The following SLC6A18 variants were observed in gnomAD, a reference collection of about 807,000 sequenced individuals.
SLC6A18 encodes the protein inactive sodium-dependent neutral amino acid transporter B(0)AT3.
In SLC6A18, 58 loss-of-function variants were observed where a neutral mutation model predicts 62.9. That is an observed-to-expected ratio of 0.92 (90% confidence interval 0.75 to 1.15). SLC6A18 has a LOEUF of 1.15. Ranked by LOEUF, SLC6A18 falls within the 50% of genes most tolerant of loss-of-function variation. The pLI is 0.00. For synonymous variants in SLC6A18, 382 were observed against 365.8 expected, an observed-to-expected ratio of 1.04 and a Z score of -0.51; for missense variants, 793 against 836.6, an observed-to-expected ratio of 0.95 and a Z score of 0.64.
At position 1,243,863 on chromosome 5, in the gene SLC6A18, C is replaced by T. The variant is rs1028241112; in HGVS notation, c.1336+104C>T. 7.0e-5 allele frequency: 79 copies of T among 1,126,910 alleles called. No homozygotes were observed. Among genetic ancestry groups the T allele is most frequent in the Non-Finnish European group, 9.2e-5 (75 of 812,168 alleles). 69.8% of individuals were successfully genotyped at this position (1,126,910 alleles called of 1,614,324 possible). ...CCTCCTGGATGGAGAGCGCAAGGGG[C>T]CAAGCCTGAGTTCAGGGAAAGGCTG... is the stretch of plus-strand genomic sequence containing the variant. On this transcript the variant is annotated intron_variant, in intron 9 of 11. Coordinates refer to ENST00000324642, the MANE Select transcript of SLC6A18 (RefSeq NM_182632.3). The surrounding 1 kb of genome is among the most constrained non-coding windows in gnomAD (Gnocchi z 6.5).
chr5:1,225,656 C>A lies in SLC6A18; in HGVS notation c.160+19C>A. The A allele has an allele frequency of 6.5e-7, 1 of 1,545,018 alleles. No individual in the cohort carries two copies. The highest frequency in any genetic ancestry group is 8.7e-7 in the Non-Finnish European group (1 of 1,144,580). On this transcript the variant is annotated intron_variant, in intron 1 of 11. Coordinates refer to ENST00000324642, the MANE Select transcript of SLC6A18 (RefSeq NM_182632.3). ...GGAGGAGGTAAGCACCCACCTGCGT[C>A]CTGGGGCAGACCCCTAAGCAGGGGA...
chr5:1,242,205 T>C (rs1393560495), intron 7 of SLC6A18, among the ~76,000 whole-genome samples: 1 of 152,126 alleles, frequency 6.6e-6, no homozygotes, highest in African/African-American at 2.4e-5. Flanking sequence ...CCCCACCCCC[T>C]TTGCACCCAT....
At chr5:1,232,066 A>G (rs891099255) in intron 1 of SLC6A18, among the ~76,000 whole-genome samples, 153 bp from the exon 2 acceptor site, 5 of 152,318 alleles carry the variant, frequency 3.3e-5, no homozygotes, top group Non-Finnish European at 5.9e-5. Flanking sequence ...GCAACCCAAC[A>G]GTGCCCCAAG....
At chr5:1,242,419 G>A (rs1345264655) in intron 7 of SLC6A18, among the ~76,000 whole-genome samples, 2 of 89,118 alleles carry the variant, frequency 2.2e-5, no homozygotes, top group African/African-American at 4.6e-5. Flanking sequence ...GGGGCAGGAG[G>A]CGTCCACACG....
At chr5:1,233,853 T>G (rs1223062119) in intron 3 of SLC6A18, among the ~76,000 whole-genome samples, 1 of 151,902 alleles carries the variant, frequency 6.6e-6, no homozygotes, top group Non-Finnish European at 1.5e-5. Flanking sequence ...GCCATTCTCC[T>G]GCCTCAGCCT....
In SLC6A18 at chr5:1,241,585, G is replaced by A. The variant is rs139491957; in HGVS notation, c.974+926G>A. Among the ~76,000 whole-genome samples the A allele has an allele frequency of 2.6e-5, 4 of 152,116 alleles. No individual in the cohort carries two copies. The highest frequency in any genetic ancestry group is 5.9e-5 in the Non-Finnish European group (4 of 68,028). Reference sequence around the variant, plus strand: ...TCAACGGGGACGTCACCAAGAAAACGCACACAAAAGTGGAAAACATGGCAC... The same window carrying A: ...TCAACGGGGACGTCACCAAGAAAACACACACAAAAGTGGAAAACATGGCAC... On this transcript the variant is annotated intron_variant, in intron 7 of 11. Transcript: ENST00000324642. This position sits in a 1 kb window ranked among gnomAD's most constrained non-coding sequence, Gnocchi z 7.8.
At chr5:1,240,738 T>A (rs970569099) in intron 7 of SLC6A18, 79 bp downstream of exon 7, 1 of 1,575,626 alleles carries the variant, frequency 6.3e-7, no homozygotes, top group African/African-American at 1.4e-5. Flanking sequence ...TCCCAAGGCA[T>A]GAGGAAGGGT....
At position 1,232,734 on chromosome 5, in the gene SLC6A18, A is replaced by G. The variant is rs1174483509; in HGVS notation, c.302-17A>G. 2 of 1,597,406 alleles carry G rather than the reference A, an allele frequency of 1.3e-6. No homozygotes were observed. The highest frequency in any genetic ancestry group is 1.1e-5 in the South Asian group (1 of 89,374). On this transcript the variant is annotated splice_polypyrimidine_tract_variant and intron_variant, in intron 2 of 11. Coordinates refer to ENST00000324642, the MANE Select transcript of SLC6A18 (RefSeq NM_182632.3). ...GGAAGGAGCCCCGGGGCCACCTGACATGGTCCCTGTCCACAGGGCTGGGCT... is the reference window on the plus strand; with the variant it reads ...GGAAGGAGCCCCGGGGCCACCTGACGTGGTCCCTGTCCACAGGGCTGGGCT...
At chr5:1,228,099 C>T (rs906574180) in intron 1 of SLC6A18, among the ~76,000 whole-genome samples, 1 of 149,376 alleles carries the variant, frequency 6.7e-6, no homozygotes, top group Non-Finnish European at 1.5e-5. Flanking sequence ...TTAGTCTCGA[C>T]GCCTAGTAGT....
At chr5:1,232,067 G>A in intron 1 of SLC6A18, 152 bp from the exon 2 acceptor site, 1 of 671,726 alleles carries the variant, frequency 1.5e-6, no homozygotes, top group South Asian at 1.9e-5. Flanking sequence ...CAACCCAACA[G>A]TGCCCCAAGG....
Position 1,246,146 on chromosome 5 carries a change from C to G in SLC6A18, c.*68C>G. On this transcript the variant is annotated 3_prime_UTR_variant, in exon 12 of 12. Coordinates refer to ENST00000324642, the MANE Select transcript of SLC6A18 (RefSeq NM_182632.3). The stretch of plus-strand genomic sequence containing the variant: ...GCTTGGCCTGATGGTGGGCGGGGCC[C>G]CGCCCACAGGGCCGACCCCAATACA... The G allele has an allele frequency of 6.7e-7, 1 of 1,487,092 alleles. No individual in the cohort carries two copies. The highest frequency in any genetic ancestry group is 8.9e-7 in the Non-Finnish European group (1 of 1,124,706). 92.1% of individuals were successfully genotyped at this position (1,487,092 alleles called of 1,614,324 possible). A position where few individuals can be genotyped will look rare whatever the true frequency, so the allele number is the denominator to read the frequency against.
intron 3 of SLC6A18, among the ~76,000 whole-genome samples, chr5:1,234,594 A>G (rs917486595): frequency 1.3e-5 from 2 of 152,228 alleles, no homozygotes; most frequent in African/African-American, 4.8e-5. Flanking sequence ...TCCTCTCTCA[A>G]TGCACACGGC....
chr5:1,232,797 C>T lies in SLC6A18; in HGVS notation c.348C>T (p.Asn116=). 1.2e-6 allele frequency: 2 copies of T among 1,613,564 alleles called. No homozygotes were observed. Among genetic ancestry groups the T allele is most frequent in the South Asian group, 1.1e-5 (1 of 91,076 alleles). Residue 116 remains asparagine, a synonymous_variant, in exon 3 of 12, where the codon AAC becomes AAT. Coordinates refer to ENST00000324642, the MANE Select transcript of SLC6A18 (RefSeq NM_182632.3). ...TLSFLISLYY[N]TIVAWVLWYL... is the part of the protein sequence containing the mutation. The stretch of plus-strand genomic sequence containing the variant: ...CCTTCCTGATCAGCCTGTACTACAA[C>T]ACCATCGTGGCGTGGGTGCTGTGGT...
chr5:1,229,754 G>C (rs1033565918), intron 1 of SLC6A18, among the ~76,000 whole-genome samples: 7 of 151,778 alleles, frequency 4.6e-5, no homozygotes, highest in Non-Finnish European at 1.0e-4. Context: ...AGGTCGGGGG[G>C]AAGAAGGCCT....
chr5:1,242,654 G>C, intron 7 of SLC6A18, 53 bp from the exon 8 acceptor site: 1 of 1,552,976 alleles, frequency 6.4e-7, no homozygotes, highest in South Asian at 1.2e-5. Context: ...GGGTTTCTCT[G>C]GATGTGTTTG....
chr5:1,236,212 C>G (rs1746880452), intron 4 of SLC6A18, among the ~76,000 whole-genome samples: 1 of 152,066 alleles, frequency 6.6e-6, no homozygotes, highest in African/African-American at 2.4e-5. Flanking sequence ...TTAGCTTTAA[C>G]TCTCTCTTGT....
intron 7 of SLC6A18, 103 bp from the exon 8 acceptor site, chr5:1,242,604 C>G (rs1747092087): frequency 1.4e-6 from 2 of 1,468,578 alleles, no homozygotes; most frequent in African/African-American, 2.8e-5. Flanking sequence ...AGGAGGGGCC[C>G]AGCCCTCCCA....
chr5:1,235,570 G>C lies in SLC6A18; in HGVS notation c.529G>C (p.Gly177Arg). 6.2e-7 allele frequency: 1 copy of C among 1,614,068 alleles called. No individual in the cohort carries two copies. The highest frequency in any genetic ancestry group is 8.5e-7 in the Non-Finnish European group (1 of 1,180,034). ...CATCACAGCCGACATCAATGACAGTGGCTCCATCCAGTGGTGGCTGCTCAT... is the reference window on the plus strand; with the variant it reads ...CATCACAGCCGACATCAATGACAGTCGCTCCATCCAGTGGTGGCTGCTCAT... ...LNITADINDS[G>R]SIQWWLLICL... is the part of the protein sequence containing the mutation. The change falls in exon 4 of 12, where the codon GGC becomes CGC. Residue 177 changes from glycine to arginine, a missense_variant. Physicochemically the swap from Gly to Arg is moderately radical, Grantham distance 125. Transcript: ENST00000324642.
Position 1,240,580 on chromosome 5 carries a change from A to T in SLC6A18, c.895A>T (p.Thr299Ser). 6.2e-7 allele frequency: 1 copy of T among 1,613,954 alleles called. No individual in the cohort carries two copies. The highest frequency in any genetic ancestry group is 1.3e-5 in the African/African-American group (1 of 74,942). ...GGTCATCGCCCTGGTCAACAGGATGACCTCCCTGTACGCGTCCATCGCTGT... is the reference window on the plus strand; with the variant it reads ...GGTCATCGCCCTGGTCAACAGGATGTCCTCCCTGTACGCGTCCATCGCTGT... ...AVVIALVNRM[T>S]SLYASIAVFS... The change falls in exon 7 of 12, where the codon ACC becomes TCC. Residue 299 changes from threonine to serine, a missense_variant. Transcript: ENST00000324642.
Sources: allele counts gnomAD v4.1 joint callset (sites outside exome capture counted in the v4.1 genomes callset), GRCh38; gene constraint gnomAD v4.1.1; non-coding constraint Gnocchi (gnomAD v3.1); transcripts MANE v1.5; gene names NCBI Gene and HGNC (gene_info 2026-07-23, HGNC 2026-07-21).